Variants in PAM observed in about 807,000 individuals in gnomAD.
The protein encoded by PAM is peptidylglycine alpha-amidating monooxygenase.
PAM carries 72 observed loss-of-function variants against 122.1 expected under a neutral mutation model. That is an observed-to-expected ratio of 0.59 (90% CI 0.49 to 0.72). The LOEUF is 0.72. Among genes scored for constraint, PAM ranks in the 30% least tolerant of loss-of-function variants. The probability of loss-of-function intolerance (pLI) is 0.00; values close to 1 mark genes in which losing one functional copy is unlikely to be tolerated. For missense variants in PAM, 1,106 were observed against 1,183.7 expected, an observed-to-expected ratio of 0.93 and a Z score of 0.96; for synonymous variants, 389 against 404.4, an observed-to-expected ratio of 0.96 and a Z score of 0.46.
intron 12 of PAM, among the ~76,000 whole-genome samples, chr5:102,955,738 A>T (rs1760486932): frequency 6.6e-6 from 1 of 151,948 alleles, no homozygotes; most frequent in African/African-American, 2.4e-5. Context: ...AGTGGACATA[A>T]TCTCCCTTCC....
intron 1 of PAM, among the ~76,000 whole-genome samples, chr5:102,773,929 T>G (rs977143875): frequency 6.6e-6 from 1 of 152,040 alleles, no homozygotes; most frequent in Non-Finnish European, 1.5e-5. Context: ...TCATAGTTCT[T>G]ATCATTTAGC....
intron 15 of PAM, among the ~76,000 whole-genome samples, chr5:102,988,961 C>A (rs1773107166): frequency 6.6e-6 from 1 of 151,974 alleles, no homozygotes; most frequent in African/African-American, 2.4e-5. Flanking sequence ...TTCTCTTTCT[C>A]CCCCCAGTCT....
At chr5:102,850,084 G>A (rs566508807) in intron 1 of PAM, among the ~76,000 whole-genome samples, 10 of 152,204 alleles carry the variant, frequency 6.6e-5, no homozygotes, top group Non-Finnish European at 1.5e-4. Context: ...ACTGTGTCAT[G>A]TATTTCTTTA....
chr5:102,942,182 C>T (rs571258159), intron 7 of PAM, among the ~76,000 whole-genome samples: 61 of 152,228 alleles, frequency 4.0e-4, no homozygotes, highest in African/African-American at 1.3e-3. Context: ...TATTCTCCTA[C>T]GGGATTTTCA....
intron 1 of PAM, among the ~76,000 whole-genome samples, chr5:102,830,453 A>G (rs1775094037): frequency 6.6e-6 from 1 of 152,066 alleles, no homozygotes; most frequent in Non-Finnish European, 1.5e-5. Flanking sequence ...ATCATTGTTT[A>G]TTGAGCTTTT....
At chr5:102,872,195 A>C (rs2151017138) in intron 3 of PAM, among the ~76,000 whole-genome samples, 1 of 152,300 alleles carries the variant, frequency 6.6e-6, no homozygotes, top group East Asian at 1.9e-4. Context: ...CAGATCATGC[A>C]TTGAAATCAG....
intron 17 of PAM, among the ~76,000 whole-genome samples, chr5:103,004,105 C>T (rs1009293434): frequency 1.3e-5 from 2 of 152,272 alleles, no homozygotes; most frequent in African/African-American, 4.8e-5. Flanking sequence ...CTAGCTTCTT[C>T]GCAAGGTGGA....
intron 1 of PAM, among the ~76,000 whole-genome samples, chr5:102,855,847 C>T (rs912311333): frequency 3.3e-5 from 5 of 151,964 alleles, no homozygotes; most frequent in South Asian, 2.1e-4. Context: ...CACTTACATG[C>T]GGTTACCCTC....
At chr5:102,843,728 C>A (rs1779260662) in intron 1 of PAM, among the ~76,000 whole-genome samples, 1 of 152,096 alleles carries the variant, frequency 6.6e-6, no homozygotes, top group Non-Finnish European at 1.5e-5. Context: ...TGAGAAAGAT[C>A]TATAGATGAC....
intron 5 of PAM, among the ~76,000 whole-genome samples, chr5:102,922,310 T>C (rs1481429216): frequency 6.6e-6 from 1 of 152,120 alleles, no homozygotes; most frequent in Non-Finnish European, 1.5e-5. Context: ...CGGAGAACAC[T>C]TTCCTGAGGA....
chr5:102,864,322 C>G (rs1581092486), intron 1 of PAM, among the ~76,000 whole-genome samples: 1 of 151,862 alleles, frequency 6.6e-6, no homozygotes, highest in East Asian at 1.9e-4. Flanking sequence ...CTTTCCTTTA[C>G]CCACAGGATA....
At chr5:102,923,443 T>G (rs1317908458) in intron 5 of PAM, among the ~76,000 whole-genome samples, 1 of 152,230 alleles carries the variant, frequency 6.6e-6, no homozygotes, top group Admixed American at 6.5e-5. Flanking sequence ...AAGCTGTATT[T>G]GTCCTTGTCC....
chr5:102,950,399 AT>A (rs1368156774), intron 11 of PAM, among the ~76,000 whole-genome samples: 3 of 114,742 alleles, frequency 2.6e-5, no homozygotes, highest in Non-Finnish European at 3.7e-5. Context: ...TCCAGTGATT[AT>A]TTGTGTATGT....
intron 15 of PAM, among the ~76,000 whole-genome samples, chr5:102,985,598 A>AATGAGATTGAATCC (rs1355753177): frequency 6.6e-6 from 1 of 152,158 alleles, no homozygotes; most frequent in East Asian, 1.9e-4. Flanking sequence ...AGATTGAATC[A>AATGAGATTGAATCC]GTAATGAAAA....
At chr5:102,796,269 C>T (rs143230333) in intron 1 of PAM, among the ~76,000 whole-genome samples, 2 of 152,158 alleles carry the variant, frequency 1.3e-5, no homozygotes, top group African/African-American at 4.8e-5. Flanking sequence ...CACCTGCAAT[C>T]CATGTTAGGA....
intron 15 of PAM, among the ~76,000 whole-genome samples, chr5:102,976,307 CACCA>C: frequency 6.6e-6 from 1 of 152,014 alleles, no homozygotes; most frequent in Non-Finnish European, 1.5e-5. Context: ...AATTCTCTTT[CACCA>C]TTTACTGTAA....
At chr5:102,893,495 A>G (rs1795317417) in intron 3 of PAM, among the ~76,000 whole-genome samples, 1 of 151,640 alleles carries the variant, frequency 6.6e-6, no homozygotes, top group African/African-American at 2.4e-5. Flanking sequence ...AAAACCCAAA[A>G]CCTTGCACAG....
intron 3 of PAM, 39 bp from the exon 4 acceptor site, chr5:102,901,317 A>C (rs1408671949): frequency 7.6e-6 from 9 of 1,178,346 alleles, no homozygotes; most frequent in Non-Finnish European, 7.6e-6. Context: ...CCTTACTAGC[A>C]ACAGTTTAAT....
intron 1 of PAM, among the ~76,000 whole-genome samples, chr5:102,756,222 T>G (rs1750272049): frequency 6.6e-6 from 1 of 152,224 alleles, no homozygotes; most frequent in African/African-American, 2.4e-5. Flanking sequence ...TCTGATCGTC[T>G]GAGTTCAGGT....
Sources: gnomAD v4.1 joint callset for allele counts (sites outside exome capture counted in the v4.1 genomes callset) on GRCh38, gnomAD v4.1.1 for gene constraint, MANE v1.5 for transcripts, NCBI Gene and HGNC (gene_info 2026-07-23, HGNC 2026-07-21) for gene names.